B3GALT1: variants seen among roughly 807,000 people sequenced by gnomAD.
B3GALT1 encodes the protein beta-1,3-galactosyltransferase 1.
Under a neutral mutation model 23.2 loss-of-function variants are expected in B3GALT1, and 10 were observed. The observed-to-expected ratio is 0.43, with a 90% CI of 0.27 to 0.73. The LOEUF (loss-of-function observed/expected upper bound fraction) is 0.73, where lower values mean the gene tolerates loss of function less well. B3GALT1 is among the 30% of genes least tolerant of loss of function. B3GALT1 has a pLI of 0.21. For synonymous variants in B3GALT1, 156 were observed against 141.5 expected, an observed-to-expected ratio of 1.10 and a Z score of -0.73; for missense variants, 299 against 405.4, an observed-to-expected ratio of 0.74 and a Z score of 2.25.
intron 1 of B3GALT1, among the ~76,000 whole-genome samples, chr2:167,363,573 G>A (rs1205433141): frequency 6.6e-6 from 1 of 151,944 alleles, no homozygotes; most frequent in East Asian, 1.9e-4. Context: ...CTCCTTGCCT[G>A]TGGCATAGTA....
chr2:167,418,076 T>A (rs899569961), intron 1 of B3GALT1, among the ~76,000 whole-genome samples: 41 of 152,366 alleles, frequency 2.7e-4, no homozygotes, highest in African/African-American at 9.9e-4. Flanking sequence ...AGAGATTGCA[T>A]GTGACTTTTT....
intron 1 of B3GALT1, among the ~76,000 whole-genome samples, chr2:167,424,350 G>A (rs1302072433): frequency 1.3e-5 from 2 of 152,188 alleles, no homozygotes; most frequent in South Asian, 2.1e-4. Context: ...TCTAAAAATG[G>A]TGCTGACAAT....
intron 3 of B3GALT1, among the ~76,000 whole-genome samples, chr2:167,687,111 C>T (rs1357563060): frequency 1.3e-5 from 2 of 152,134 alleles, no homozygotes; most frequent in African/African-American, 4.8e-5. Flanking sequence ...ATAAATTGTG[C>T]TCTGACCCTG....
intron 3 of B3GALT1, among the ~76,000 whole-genome samples, chr2:167,698,396 G>C (rs1464061874): frequency 6.6e-6 from 1 of 152,152 alleles, no homozygotes; most frequent in African/African-American, 2.4e-5. Flanking sequence ...CTGTTAGTGT[G>C]TTAATGGATT....
chr2:167,498,462 G>A (rs1472055105), intron 2 of B3GALT1, among the ~76,000 whole-genome samples: 1 of 152,138 alleles, frequency 6.6e-6, no homozygotes, highest in Non-Finnish European at 1.5e-5. Flanking sequence ...AGGGATTTAT[G>A]AAATTGGTAC....
chr2:167,566,241 T>C (rs1684163507), intron 2 of B3GALT1, among the ~76,000 whole-genome samples: 1 of 151,690 alleles, frequency 6.6e-6, no homozygotes, highest in African/African-American at 2.4e-5. Flanking sequence ...CTCAATAAAC[T>C]ATCGCAAGGA....
chr2:167,774,367 C>G (rs1181045070), intron 3 of B3GALT1, among the ~76,000 whole-genome samples: 5 of 151,754 alleles, frequency 3.3e-5, no homozygotes, highest in African/African-American at 9.7e-5. Flanking sequence ...ATTGAAGAAT[C>G]ATTTTCTTTG....
chr2:167,334,292 TCTC>T (rs1170660486), intron 1 of B3GALT1, among the ~76,000 whole-genome samples: 3 of 152,180 alleles, frequency 2.0e-5, no homozygotes, highest in Non-Finnish European at 2.9e-5. Context: ...CCATCTGGTA[TCTC>T]CTCCTAATCT....
intron 1 of B3GALT1, among the ~76,000 whole-genome samples, chr2:167,346,755 G>T (rs1202751775): frequency 1.3e-5 from 2 of 149,472 alleles, no homozygotes; most frequent in East Asian, 3.9e-4. Context: ...TGGGGGGGGG[G>T]TGGTGCGTGT....
intron 4 of B3GALT1, among the ~76,000 whole-genome samples, chr2:167,836,822 G>T (rs969780422): frequency 1.1e-4 from 16 of 152,294 alleles, no homozygotes; most frequent in Middle Eastern, 3.4e-3. Context: ...GACTAACAGC[G>T]GATCTCTCGG....
intron 1 of B3GALT1, among the ~76,000 whole-genome samples, chr2:167,443,313 C>G (rs1420825260): frequency 1.3e-5 from 2 of 152,170 alleles, no homozygotes; most frequent in Non-Finnish European, 2.9e-5. Flanking sequence ...TAGTGTGATG[C>G]CTCCAGCTTT....
intron 1 of B3GALT1, among the ~76,000 whole-genome samples, chr2:167,315,998 G>A (rs1696710978): frequency 6.6e-6 from 1 of 151,954 alleles, no homozygotes; most frequent in African/African-American, 2.4e-5. Context: ...AAGGAGAAAT[G>A]TACTGACCAG....
chr2:167,784,757 G>A (rs1688313551), intron 3 of B3GALT1, among the ~76,000 whole-genome samples: 1 of 152,054 alleles, frequency 6.6e-6, no homozygotes, highest in South Asian at 2.1e-4. Flanking sequence ...TTAAAAAGGA[G>A]ACCACCCAAT....
chr2:167,716,149 C>A (rs372798792), intron 3 of B3GALT1: 7 of 1,345,092 alleles, frequency 5.2e-6, no homozygotes, highest in Non-Finnish European at 6.1e-6. Context: ...GTCTGGAACC[C>A]GAATCCGCAC....
chr2:167,798,857 G>A (rs912967651), intron 3 of B3GALT1, among the ~76,000 whole-genome samples: 5 of 152,120 alleles, frequency 3.3e-5, no homozygotes, highest in African/African-American at 4.8e-5. Context: ...ATATGCCATC[G>A]TTATACCACT....
At chr2:167,510,172 C>T (rs1699984195) in intron 2 of B3GALT1, among the ~76,000 whole-genome samples, 1 of 152,232 alleles carries the variant, frequency 6.6e-6, no homozygotes, top group African/African-American at 2.4e-5. Flanking sequence ...GCATTCTTCC[C>T]TTTGAAAGGT....
intron 3 of B3GALT1, among the ~76,000 whole-genome samples, chr2:167,749,788 A>G (rs1303838842): frequency 6.6e-6 from 1 of 152,234 alleles, no homozygotes; most frequent in African/African-American, 2.4e-5. Flanking sequence ...ATTCTCTAGC[A>G]ATGTGTTGAA....
rs76380802 is a variant in B3GALT1 at position 167,561,386 on chromosome 2, A to G, written c.-410+71109A>G. Among the ~76,000 whole-genome samples, 46 of 152,314 alleles carry G rather than the reference A, an allele frequency of 3.0e-4. No individual in the cohort carries two copies. In the South Asian group the frequency reaches 9.3e-3, roughly 31 times the overall value. ...CCAAAATTGACACCCTAACATCACA[A>G]TTAAAAGAGCTAGAAAAGCAAGAGC... On this transcript the variant is annotated intron_variant, in intron 2 of 4. Coordinates refer to ENST00000392690, the MANE Select transcript of B3GALT1 (RefSeq NM_020981.4).
At chr2:167,504,453 G>T (rs1699891206) in intron 2 of B3GALT1, among the ~76,000 whole-genome samples, 1 of 152,174 alleles carries the variant, frequency 6.6e-6, no homozygotes, top group African/African-American at 2.4e-5. Context: ...GATCTGTTTT[G>T]TGATTGGGTT....
Sources: gnomAD v4.1 joint callset for allele counts (sites outside exome capture counted in the v4.1 genomes callset) on GRCh38, gnomAD v4.1.1 for gene constraint, MANE v1.5 for transcripts, NCBI Gene and HGNC (gene_info 2026-07-23, HGNC 2026-07-21) for gene names.